Variants in CDH8 observed in about 807,000 individuals in gnomAD.
The protein encoded by CDH8 is cadherin-8.
A neutral mutation model predicts 68.1 loss-of-function variants in CDH8; 17 were observed. The observed-to-expected ratio is 0.25, with a 90% confidence interval of 0.17 to 0.37. The LOEUF (loss-of-function observed/expected upper bound fraction) is 0.37, where lower values mean the gene tolerates loss of function less well. Among genes scored for constraint, CDH8 ranks in the 10% least tolerant of loss-of-function variants. The probability of loss-of-function intolerance (pLI) is 1.00; values close to 1 mark genes in which losing one functional copy is unlikely to be tolerated. For synonymous variants in CDH8, 372 were observed against 365.1 expected, an observed-to-expected ratio of 1.02 and a Z score of -0.21; for missense variants, 763 against 999.3, an observed-to-expected ratio of 0.76 and a Z score of 3.19.
intron 4 of CDH8, among the ~76,000 whole-genome samples, chr16:61,835,282 C>T (rs569656157): frequency 6.6e-6 from 1 of 152,008 alleles, no homozygotes; most frequent in South Asian, 2.1e-4. Flanking sequence ...ATGTGAGTTT[C>T]CTGTTTTATA....
intron 10 of CDH8, chr16:61,667,854 T>C (rs897728159): frequency 4.6e-5 from 7 of 152,118 alleles, no homozygotes; most frequent in South Asian, 2.1e-4. Context: ...TAAAATGAGA[T>C]GTTCAAGGTT....
intron 8 of CDH8, among the ~76,000 whole-genome samples, chr16:61,762,608 A>G (rs1960498152): frequency 6.6e-6 from 1 of 152,130 alleles, no homozygotes; most frequent in African/African-American, 2.4e-5. Context: ...CAGGCCCCAA[A>G]CAAGACCTAC....
intron 2 of CDH8, among the ~76,000 whole-genome samples, chr16:61,985,663 T>G (rs1383461472): frequency 6.6e-6 from 1 of 152,108 alleles, no homozygotes; most frequent in Non-Finnish European, 1.5e-5. Flanking sequence ...CAGCTAATTT[T>G]GTATTTTTAG....
In CDH8 at chr16:61,731,120, AG is replaced by A. The variant is rs1959522994; in HGVS notation, c.1415-3906del. On this transcript the variant is annotated intron_variant, in intron 8 of 11. Coordinates refer to ENST00000577390, the MANE Select transcript of CDH8 (RefSeq NM_001796.5). ...TTGCTTGAGAGTGAAAGAGAAAAGC[AG>A]GCCTTGAAGCAGAAAGTTCCTTCAT... Among the ~76,000 whole-genome samples the A allele has an allele frequency of 2.0e-5, 3 of 151,642 alleles. No homozygotes were observed. In the South Asian group the frequency reaches 6.2e-4, roughly 31 times the overall value.
chr16:61,793,160 C>G (rs1263140906), intron 7 of CDH8, among the ~76,000 whole-genome samples: 1 of 151,882 alleles, frequency 6.6e-6, no homozygotes, highest in Non-Finnish European at 1.5e-5. Context: ...GTCTGCAACC[C>G]AGAAGAGGGC....
At chr16:62,014,088 G>GA (rs1462641093) in intron 2 of CDH8, among the ~76,000 whole-genome samples, 8 of 151,900 alleles carry the variant, frequency 5.3e-5, no homozygotes, top group Non-Finnish European at 1.2e-4. Flanking sequence ...GGAGCTACAG[G>GA]AAAAAACAAA....
chr16:61,998,905 A>T (rs1395815220), intron 2 of CDH8, among the ~76,000 whole-genome samples: 1 of 152,230 alleles, frequency 6.6e-6, no homozygotes, highest in Non-Finnish European at 1.5e-5. Context: ...CAGAGGGGAA[A>T]AAAAGGACTC....
At chr16:61,713,293 G>C (rs1360086209) in intron 10 of CDH8, among the ~76,000 whole-genome samples, 1 of 151,634 alleles carries the variant, frequency 6.6e-6, no homozygotes, top group East Asian at 1.9e-4. Context: ...GTGAGTGAAA[G>C]ACTTAACAAT....
chr16:61,884,394 G>C (rs997972091), intron 3 of CDH8, among the ~76,000 whole-genome samples: 3 of 147,834 alleles, frequency 2.0e-5, no homozygotes, highest in African/African-American at 7.5e-5. Context: ...TTTTTTTGGA[G>C]AGGGAGTCTC....
At chr16:61,747,270 C>A (rs1216635626) in intron 8 of CDH8, among the ~76,000 whole-genome samples, 1 of 151,998 alleles carries the variant, frequency 6.6e-6, no homozygotes, top group African/African-American at 2.4e-5. Flanking sequence ...AGGAAACATT[C>A]TTTTTGGGTG....
chr16:61,663,278 CAGAT>C (rs1248647876), intron 10 of CDH8, among the ~76,000 whole-genome samples: 1 of 151,930 alleles, frequency 6.6e-6, no homozygotes, highest in Non-Finnish European at 1.5e-5. Flanking sequence ...ATTATGATAA[CAGAT>C]TGATTATGAA....
chr16:61,884,700 CTTCTATTTAGCT>C (rs1189807311), intron 3 of CDH8, among the ~76,000 whole-genome samples: 1 of 152,060 alleles, frequency 6.6e-6, no homozygotes, highest in Non-Finnish European at 1.5e-5. Context: ...ACAACATTGC[CTTCTATTTAGCT>C]TACTTTATTG....
At chr16:61,992,825 G>C (rs559176888) in intron 2 of CDH8, among the ~76,000 whole-genome samples, 5 of 152,216 alleles carry the variant, frequency 3.3e-5, no homozygotes, top group Non-Finnish European at 5.9e-5. Flanking sequence ...GTCCTGCTCA[G>C]TTGTCCGGGC....
intron 3 of CDH8, among the ~76,000 whole-genome samples, chr16:61,865,489 TG>T (rs1963237502): frequency 6.6e-6 from 1 of 152,118 alleles, no homozygotes; most frequent in Admixed American, 6.5e-5. Context: ...CATATGAAAA[TG>T]TGTAACTGTA....
chr16:61,840,286 T>C (rs1962656390), intron 4 of CDH8, among the ~76,000 whole-genome samples: 1 of 152,114 alleles, frequency 6.6e-6, no homozygotes, highest in African/African-American at 2.4e-5. Flanking sequence ...AGCATTGTAA[T>C]ACCTCTCTTC....
At chr16:61,954,083 A>T (rs12448666) in intron 2 of CDH8, among the ~76,000 whole-genome samples, 1 of 151,806 alleles carries the variant, frequency 6.6e-6, no homozygotes, top group Admixed American at 6.6e-5. Context: ...TTAATACACC[A>T]TGTTTGCAAT....
intron 2 of CDH8, among the ~76,000 whole-genome samples, chr16:61,955,317 TG>T (rs1164059682): frequency 6.6e-6 from 1 of 152,242 alleles, no homozygotes; most frequent in Non-Finnish European, 1.5e-5. Context: ...CATTGAGTTT[TG>T]GCCAAAGGGG....
At chr16:62,032,972 C>A (rs527702008) in intron 1 of CDH8, among the ~76,000 whole-genome samples, 2 of 152,128 alleles carry the variant, frequency 1.3e-5, no homozygotes, top group Non-Finnish European at 2.9e-5. Flanking sequence ...CACCAATAAA[C>A]AATGAAAGGA....
At chr16:61,991,610 G>A (rs1028701224) in intron 2 of CDH8, among the ~76,000 whole-genome samples, 2 of 152,156 alleles carry the variant, frequency 1.3e-5, no homozygotes, top group African/African-American at 4.8e-5. Context: ...CAGAATAAGA[G>A]TTTTGTGCAA....
Sources: allele counts gnomAD v4.1 joint callset (sites outside exome capture counted in the v4.1 genomes callset), GRCh38; gene constraint gnomAD v4.1.1; transcripts MANE v1.5; gene names NCBI Gene and HGNC (gene_info 2026-07-23, HGNC 2026-07-21).